Variants in FBXW11 observed in about 807,000 individuals in gnomAD.
FBXW11 encodes F-box and WD repeat domain containing 11.
In FBXW11, 19 loss-of-function variants were observed where a neutral mutation model predicts 77.6. The ratio of observed to expected loss-of-function variants is 0.24; its 90% confidence interval spans 0.17 to 0.36. The LOEUF is 0.36. Among genes scored for constraint, FBXW11 ranks in the 10% least tolerant of loss-of-function variants. The pLI is 1.00. For missense variants in FBXW11, 334 were observed against 704.2 expected (o/e 0.47, Z 5.95); for synonymous variants, 235 against 249.4 (o/e 0.94, Z 0.54).
At chr5:171,992,952 G>A (rs942644455) in intron 1 of FBXW11, among the ~76,000 whole-genome samples, 2 of 152,016 alleles carry the variant, frequency 1.3e-5, no homozygotes, top group African/African-American at 4.8e-5. Context: ...ATGGATTACA[G>A]CAGTGATAAA....
chr5:171,918,947 C>T (rs1761419911), intron 2 of FBXW11, among the ~76,000 whole-genome samples: 1 of 152,160 alleles, frequency 6.6e-6, no homozygotes, highest in African/African-American at 2.4e-5. Flanking sequence ...AAACTTGACA[C>T]CGTGGGAGAA....
chr5:171,916,522 G>A, intron 2 of FBXW11: 2 of 929,790 alleles, frequency 2.2e-6, no homozygotes, highest in Non-Finnish European at 2.6e-6. Context: ...AAAGCAGTAA[G>A]TAATTCTGAA....
chr5:171,969,320 T>C (rs1401332650), intron 1 of FBXW11, among the ~76,000 whole-genome samples: 1 of 152,186 alleles, frequency 6.6e-6, no homozygotes, highest in Non-Finnish European at 1.5e-5. Context: ...TTTCTCCTGA[T>C]GTAATGAACA....
intron 7 of FBXW11, among the ~76,000 whole-genome samples, chr5:171,882,048 T>G (rs1325506438): frequency 6.6e-6 from 1 of 152,188 alleles, no homozygotes; most frequent in Non-Finnish European, 1.5e-5. Context: ...TTCTATGGAT[T>G]TCCTGTTATC....
At chr5:171,963,092 A>G (rs547599137) in intron 1 of FBXW11, among the ~76,000 whole-genome samples, 1 of 152,178 alleles carries the variant, frequency 6.6e-6, no homozygotes, top group Non-Finnish European at 1.5e-5. Context: ...ATCTGAACTT[A>G]TATCTATCTG....
intron 1 of FBXW11, among the ~76,000 whole-genome samples, chr5:171,987,749 G>A (rs555191123): frequency 2.6e-5 from 4 of 152,184 alleles, no homozygotes; most frequent in South Asian, 2.1e-4. Flanking sequence ...TACCGCGCCC[G>A]GCCAAGGGTA....
intron 1 of FBXW11, among the ~76,000 whole-genome samples, chr5:171,974,385 G>A (rs1764698302): frequency 6.8e-6 from 1 of 146,476 alleles, no homozygotes; most frequent in African/African-American, 2.6e-5. Flanking sequence ...GGTGAGCCGA[G>A]ATCACACCAT....
At chr5:171,983,510 C>A (rs1047255819) in intron 1 of FBXW11, among the ~76,000 whole-genome samples, 6 of 152,004 alleles carry the variant, frequency 3.9e-5, no homozygotes, top group Non-Finnish European at 7.4e-5. Context: ...GGGGCAATCT[C>A]GGGGACCAAG....
At chr5:171,946,904 T>C (rs1581239958) in intron 2 of FBXW11, among the ~76,000 whole-genome samples, 1 of 126,330 alleles carries the variant, frequency 7.9e-6, no homozygotes, top group East Asian at 2.7e-4. Flanking sequence ...AACCTCCACC[T>C]CCCGGGTTCA....
intron 2 of FBXW11, among the ~76,000 whole-genome samples, chr5:171,952,447 A>ATATATT (rs1200841290): frequency 1.4e-4 from 1 of 6,942 alleles, no homozygotes; most frequent in African/African-American, 3.4e-4. Context: ...ATATATATAT[A>ATATATT]TTTTTTTTTT....
chr5:171,912,792 C>T (rs562311007), intron 3 of FBXW11, among the ~76,000 whole-genome samples: 3 of 151,982 alleles, frequency 2.0e-5, no homozygotes, highest in Admixed American at 6.5e-5. Flanking sequence ...CGCCTGTAAT[C>T]CCAGCTACTC....
chr5:172,002,855 T>C (rs1291078072), intron 1 of FBXW11, among the ~76,000 whole-genome samples: 1 of 151,378 alleles, frequency 6.6e-6, no homozygotes, highest in East Asian at 1.9e-4. Context: ...TGAACCACTA[T>C]GCCTGGCTAA....
intron 7 of FBXW11, among the ~76,000 whole-genome samples, chr5:171,888,264 C>T (rs985902873): frequency 7.2e-5 from 11 of 152,028 alleles, no homozygotes; most frequent in Non-Finnish European, 1.5e-4. Context: ...TAGGGAAATC[C>T]AAGAGGAAAG....
chr5:171,905,064 A>G (rs1015694528), intron 4 of FBXW11, among the ~76,000 whole-genome samples: 1 of 152,182 alleles, frequency 6.6e-6, no homozygotes, highest in African/African-American at 2.4e-5. Context: ...CATCAGTCCA[A>G]TTAAGCAACA....
chr5:171,886,700 C>T lies in FBXW11; in HGVS notation c.852+4767G>A, dbSNP rs1452742182. Among the ~76,000 whole-genome samples the T allele has an allele frequency of 2.0e-5, 3 of 152,042 alleles. No individual in the cohort carries two copies. The East Asian group carries it at 5.8e-4, about 29-fold the overall frequency. On this transcript the variant is annotated intron_variant, in intron 7 of 13. Coordinates refer to ENST00000517395, the MANE Select transcript of FBXW11 (RefSeq NM_001378974.1). ...GTATACTGGTAGCCACAGGTTAGGG[C>T]TATCAAGTATATATAAAAATAGAGT...
rs1322337778 is a variant in FBXW11, at chr5:171,876,093, T to C, written c.1221+192A>G. Among the ~76,000 whole-genome samples, 1 of 152,234 alleles carries C rather than the reference T, an allele frequency of 6.6e-6. No homozygotes were observed. Among genetic ancestry groups the C allele is most frequent in the Non-Finnish European group, 1.5e-5 (1 of 68,044 alleles). Reference sequence around the variant, plus strand: ...TGAAACAGAAGACTGTTCTCTCTTCTGGACCGATGGCTTTTCCTCCTACCT... The same window carrying C: ...TGAAACAGAAGACTGTTCTCTCTTCCGGACCGATGGCTTTTCCTCCTACCT... On this transcript the variant is annotated intron_variant, in intron 9 of 13. Transcript: ENST00000517395. The surrounding 1 kb of genome is among the most constrained non-coding windows in gnomAD (Gnocchi z 4.2).
chr5:171,944,112 A>G (rs1762880111), intron 2 of FBXW11, among the ~76,000 whole-genome samples: 1 of 152,190 alleles, frequency 6.6e-6, no homozygotes. Flanking sequence ...AAGTTCATAA[A>G]ATATATAAGA....
chr5:171,911,955 A>G (rs868231420), intron 3 of FBXW11, among the ~76,000 whole-genome samples: 8 of 152,326 alleles, frequency 5.3e-5, no homozygotes, highest in African/African-American at 1.9e-4. Context: ...CTCCTCATAC[A>G]TAATACCAGA....
chr5:171,917,630 C>A, intron 2 of FBXW11, among the ~76,000 whole-genome samples: 1 of 152,084 alleles, frequency 6.6e-6, no homozygotes, highest in Non-Finnish European at 1.5e-5. Flanking sequence ...AAATGCTGCT[C>A]TCAAGTTACA....
Sources: gnomAD v4.1 joint callset for allele counts (sites outside exome capture counted in the v4.1 genomes callset) on GRCh38, gnomAD v4.1.1 for gene constraint, Gnocchi (gnomAD v3.1) non-coding constraint, MANE v1.5 for transcripts, NCBI Gene and HGNC (gene_info 2026-07-23, HGNC 2026-07-21) for gene names.